Variants in TSHZ3 observed in about 807,000 individuals in gnomAD.
TSHZ3 encodes the protein teashirt homolog 3.
A neutral mutation model predicts 64.5 loss-of-function variants in TSHZ3; 10 were observed. The observed-to-expected ratio is 0.16, with a 90% CI of 0.10 to 0.26. The LOEUF (loss-of-function observed/expected upper bound fraction) is 0.26. Ranked by LOEUF, TSHZ3 falls within the 10% of genes least tolerant of loss-of-function variation. The probability of loss-of-function intolerance (pLI) is 1.00; values close to 1 mark genes in which losing one functional copy is unlikely to be tolerated. For missense variants in TSHZ3, 1,242 were observed against 1,421.7 expected (o/e 0.87, Z 2.03); for synonymous variants, 608 against 593.1 (o/e 1.03, Z -0.36).
At chr19:31,307,228 A>C (rs1384424661) in intron 1 of TSHZ3, among the ~76,000 whole-genome samples, 1 of 152,186 alleles carries the variant, frequency 6.6e-6, no homozygotes, top group Non-Finnish European at 1.5e-5. Flanking sequence ...TAAAAAGCCA[A>C]GTGCCCGCCC....
At chr19:31,250,370 G>A (rs548236188) in intron 1 of TSHZ3, among the ~76,000 whole-genome samples, 16 of 152,024 alleles carry the variant, frequency 1.1e-4, no homozygotes, top group East Asian at 7.7e-4. Context: ...ATCCTCACCC[G>A]CTCATTCATT....
At chr19:31,160,349 C>T (rs993889412) in intron 5 of TSHZ3, among the ~76,000 whole-genome samples, 3 of 152,168 alleles carry the variant, frequency 2.0e-5, no homozygotes, top group African/African-American at 4.8e-5. Flanking sequence ...AACAACAACG[C>T]TCTGCGGTCT....
chr19:31,242,688 T>A (rs546001127), intron 2 of TSHZ3, among the ~76,000 whole-genome samples: 1 of 151,888 alleles, frequency 6.6e-6, no homozygotes, highest in African/African-American at 2.4e-5. Context: ...CAGATGTATG[T>A]CTGAGGTCTA....
chr19:31,339,379 AC>A (rs2145194197), intron 1 of TSHZ3, among the ~76,000 whole-genome samples: 1 of 152,102 alleles, frequency 6.6e-6, no homozygotes, highest in South Asian at 2.1e-4. Context: ...CACGCCACGC[AC>A]CCAGCCATCC....
In TSHZ3 at chr19:31,277,332, T is replaced by C. The variant is rs199584028; in HGVS notation, c.2461A>G (p.Thr821Ala). Residue 821 changes from threonine (T) to alanine (A), a missense_variant, in exon 2 of 2, where the codon ACG becomes GCG. Thr to Ala is a moderately conservative substitution (Grantham distance 58, BLOSUM62 0). Transcript: ENST00000240587. This position sits in a 1 kb window ranked among gnomAD's most constrained non-coding sequence, Gnocchi z 4.5. Reference sequence around the variant, plus strand: ...GCAGATGTCTTTGCCGTTGTCACCGTGGATGAGGAGGTTGCCGGGGCTGTG... The same window carrying C: ...GCAGATGTCTTTGCCGTTGTCACCGCGGATGAGGAGGTTGCCGGGGCTGTG... ...TSTAPATSSS[T>A]VTTAKTSAVV... is the part of the protein sequence containing the mutation. The C allele has an allele frequency of 3.1e-6, 5 of 1,613,704 alleles. No homozygotes were observed. The Admixed American group carries it at 5.0e-5, about 16-fold the overall frequency.
At chr19:31,326,741 T>C (rs898958259) in intron 1 of TSHZ3, among the ~76,000 whole-genome samples, 7 of 152,228 alleles carry the variant, frequency 4.6e-5, no homozygotes, top group African/African-American at 1.7e-4. Flanking sequence ...ACGGAGCACA[T>C]GGAAGACAGG....
intron 1 of TSHZ3, among the ~76,000 whole-genome samples, chr19:31,307,369 G>T (rs967058390): frequency 3.3e-5 from 5 of 152,040 alleles, no homozygotes; most frequent in African/African-American, 1.2e-4. Context: ...GGGGCCAACT[G>T]CATATGGCTG....
intron 5 of TSHZ3, among the ~76,000 whole-genome samples, chr19:31,159,355 C>T (rs533117625): frequency 6.6e-6 from 1 of 152,282 alleles, no homozygotes; most frequent in Admixed American, 6.5e-5. Flanking sequence ...AGATCACATC[C>T]CTATCTTAAA....
chr19:31,323,737 C>G (rs11084580), intron 1 of TSHZ3, among the ~76,000 whole-genome samples: 13,773 of 152,034 alleles, frequency 0.091, 924 homozygotes, highest in East Asian at 0.34. Context: ...GGTAGACCCA[C>G]CACAGTCTCC....
intron 4 of TSHZ3, among the ~76,000 whole-genome samples, chr19:31,211,718 T>G (rs1473748145): frequency 6.6e-6 from 1 of 151,902 alleles, no homozygotes; most frequent in African/African-American, 2.4e-5. Context: ...GGCAGGGAGA[T>G]TCCAGCAGTG....
At chr19:31,180,337 C>A (rs561087294) in intron 5 of TSHZ3, among the ~76,000 whole-genome samples, 1 of 152,256 alleles carries the variant, frequency 6.6e-6, no homozygotes, top group South Asian at 2.1e-4. Flanking sequence ...AGAGCCTGGC[C>A]CACCATAGGC....
downstream of TSHZ3, among the ~76,000 whole-genome samples, chr19:31,272,118 G>A (rs1308237647): frequency 2.2e-4 from 34 of 152,250 alleles, no homozygotes; most frequent in Admixed American, 2.2e-3. Context: ...AAAGATGATA[G>A]TTTTCATCCC....
chr19:31,164,289 G>C (rs990620457), intron 5 of TSHZ3, among the ~76,000 whole-genome samples: 5 of 152,134 alleles, frequency 3.3e-5, no homozygotes, highest in Admixed American at 2.0e-4. Context: ...CGAATTCTGG[G>C]GACGCGCTGT....
intron 1 of TSHZ3, among the ~76,000 whole-genome samples, chr19:31,264,897 A>G (rs1174494912): frequency 6.6e-6 from 1 of 152,140 alleles, no homozygotes. Flanking sequence ...ATAACAGGGT[A>G]TAGGAAGTCA....
intron 1 of TSHZ3, among the ~76,000 whole-genome samples, chr19:31,342,945 T>C (rs1222368495): frequency 6.6e-6 from 1 of 152,222 alleles, no homozygotes; most frequent in Non-Finnish European, 1.5e-5. Context: ...GGATTCACAG[T>C]GCATTGAGAG....
At chr19:31,191,074 T>C (rs1300918230) in intron 5 of TSHZ3, among the ~76,000 whole-genome samples, 1 of 152,074 alleles carries the variant, frequency 6.6e-6, no homozygotes, top group Non-Finnish European at 1.5e-5. Flanking sequence ...TTCAATCAAA[T>C]GGTTTAACTG....
chr19:31,279,485 G>C lies in TSHZ3; in HGVS notation c.308C>G (p.Thr103Arg), dbSNP rs749005684. Residue 103 changes from threonine to arginine, a missense_variant, in exon 2 of 2, where the codon ACG becomes AGG. Coordinates refer to ENST00000240587, the MANE Select transcript of TSHZ3 (RefSeq NM_020856.4). The surrounding 1 kb of genome is among the most constrained non-coding windows in gnomAD (Gnocchi z 6.4). Reference protein sequence around the residue: ...IKNEEETKEVTVPLEDTTVSD... With the variant: ...IKNEEETKEVRVPLEDTTVSD... ...CACAGTCGTGTCTTCCAGTGGGACCGTGACCTCCTTGGTCTCCTCTTCGTT... is the reference window on the plus strand; with the variant it reads ...CACAGTCGTGTCTTCCAGTGGGACCCTGACCTCCTTGGTCTCCTCTTCGTT... The C allele has an allele frequency of 2.5e-6, 4 of 1,614,124 alleles. No homozygotes were observed. Among genetic ancestry groups the C allele is most frequent in the Non-Finnish European group, 3.4e-6 (4 of 1,180,022 alleles).
chr19:31,257,930 A>G (rs1975933220), intron 1 of TSHZ3, among the ~76,000 whole-genome samples: 1 of 152,204 alleles, frequency 6.6e-6, no homozygotes, highest in Admixed American at 6.5e-5. Flanking sequence ...GATTTTCCCA[A>G]ACTTGGAGCC....
chr19:31,339,403 T>TA (rs886888742), intron 1 of TSHZ3, among the ~76,000 whole-genome samples: 9 of 151,988 alleles, frequency 5.9e-5, no homozygotes, highest in African/African-American at 2.2e-4. Context: ...AAGCAGGCTC[T>TA]ACCCCCTTCT....
Sources: gnomAD v4.1 joint callset for allele counts (sites outside exome capture counted in the v4.1 genomes callset) on GRCh38, gnomAD v4.1.1 for gene constraint, Gnocchi (gnomAD v3.1) non-coding constraint, MANE v1.5 for transcripts, NCBI Gene and HGNC (gene_info 2026-07-23, HGNC 2026-07-21) for gene names.